The following SERBP1 variants were observed in gnomAD, a reference collection of about 807,000 sequenced individuals.
SERBP1 encodes SERPINE1 mRNA binding protein 1.
Under a neutral mutation model 50.2 loss-of-function variants are expected in SERBP1, and 6 were observed. The ratio of observed to expected loss-of-function variants is 0.12; its 90% CI spans 0.07 to 0.24. SERBP1 has a LOEUF of 0.24. Ranked by LOEUF, SERBP1 falls within the 10% of genes least tolerant of loss-of-function variation. The pLI, the probability that SERBP1 is intolerant of heterozygous loss-of-function variation, is 1.00. For missense variants in SERBP1, 346 were observed against 524.9 expected, an observed-to-expected ratio of 0.66 and a Z score of 3.33; for synonymous variants, 168 against 182.8, an observed-to-expected ratio of 0.92 and a Z score of 0.65.
Position 67,424,773 on chromosome 1 carries a change from T to C in SERBP1, c.695+115A>G, listed in dbSNP as rs1466751106. 1.1e-5 allele frequency: 9 copies of C among 786,282 alleles called. No homozygotes were observed. In the East Asian group the frequency reaches 1.3e-4, roughly 11 times the overall value. The allele number at this position is 786,282 out of a possible 1,614,324, so 48.7% of individuals were successfully genotyped here. A position where few individuals can be genotyped will look rare whatever the true frequency, so the allele number is the denominator to read the frequency against. On this transcript the variant is annotated intron_variant, in intron 4 of 7. Coordinates refer to ENST00000361219, the MANE Select transcript of SERBP1 (RefSeq NM_001018069.2). ...TCCCATAAGACATTATCTTGTAATA[T>C]AGTAACTCTCAGAAGAGAGCATTCA...
chr1:67,408,701 A>C lies in SERBP1; in HGVS notation c.*4506T>G, dbSNP rs1666716128. On this transcript the variant is annotated 3_prime_UTR_variant, in exon 8 of 8. Transcript: ENST00000361219. ...AAAACCTCTTTGCACAACGCAAAGG[A>C]CTTACACAAAGGGATCTGAGTCACT... 6.6e-6 allele frequency: 1 copy of C among 152,144 alleles called. No homozygotes were observed. Among genetic ancestry groups the C allele is most frequent in the African/African-American group, 2.4e-5 (1 of 41,448 alleles). The allele number at this position is 152,144 out of a possible 1,614,324, so 9.4% of individuals were successfully genotyped here. A position where few individuals can be genotyped will look rare whatever the true frequency, so the allele number is the denominator to read the frequency against.
intron 7 of SERBP1, among the ~76,000 whole-genome samples, 184 bp from the exon 8 acceptor site, chr1:67,413,447 G>C (rs1211165982): frequency 6.6e-6 from 1 of 152,048 alleles, no homozygotes; most frequent in Non-Finnish European, 1.5e-5. Flanking sequence ...TCAGGAGTTT[G>C]AGACCAGCCT....
rs890170254 is a variant in SERBP1 at position 67,408,748 on chromosome 1, G to A, written c.*4459C>T. On this transcript the variant is annotated 3_prime_UTR_variant, in exon 8 of 8. Coordinates refer to ENST00000361219, the MANE Select transcript of SERBP1 (RefSeq NM_001018069.2). ...CACTAAATGTGAAATACTAATCATG[G>A]TATTTTTTAACAGATTATACACCCC... is the stretch of plus-strand genomic sequence containing the variant. The A allele has an allele frequency of 6.6e-6, 1 of 151,940 alleles. No individual in the cohort carries two copies. Among genetic ancestry groups the A allele is most frequent in the African/African-American group, 2.4e-5 (1 of 41,342 alleles). 9.4% of individuals were successfully genotyped at this position (151,940 alleles called of 1,614,324 possible).
chr1:67,408,591 C>T lies in SERBP1; in HGVS notation c.*4616G>A, dbSNP rs997772461. 3 of 144,972 alleles carry T rather than the reference C, an allele frequency of 2.1e-5. No homozygotes were observed. Among genetic ancestry groups the T allele is most frequent in the Non-Finnish European group, 4.5e-5 (3 of 66,290 alleles). 9.0% of individuals were successfully genotyped at this position (144,972 alleles called of 1,614,324 possible). Reference sequence around the variant, plus strand: ...GCTCAAAAAAAAAAAAAAAAAGATGCAATCTCCAGGAGCCATTAATTTCTG... The same window carrying T: ...GCTCAAAAAAAAAAAAAAAAAGATGTAATCTCCAGGAGCCATTAATTTCTG... On this transcript the variant is annotated 3_prime_UTR_variant, in exon 8 of 8. Transcript: ENST00000361219.
chr1:67,415,561 C>T (rs1299902196), intron 6 of SERBP1, among the ~76,000 whole-genome samples: 1 of 152,108 alleles, frequency 6.6e-6, no homozygotes, highest in African/African-American at 2.4e-5. Context: ...CAGGTAATAC[C>T]AGCAGTCCTC....
At chr1:67,428,493 T>G (rs1283831718) in intron 1 of SERBP1, among the ~76,000 whole-genome samples, 1 of 152,300 alleles carries the variant, frequency 6.6e-6, no homozygotes, top group East Asian at 1.9e-4. Flanking sequence ...AGCTTAAGCA[T>G]AGTTTAAATA....
At chr1:67,419,130 T>C (rs549322134) in intron 6 of SERBP1, among the ~76,000 whole-genome samples, 1 of 152,350 alleles carries the variant, frequency 6.6e-6, no homozygotes, top group Admixed American at 6.5e-5. Context: ...TCTGCCTCTG[T>C]CAGTCTTGAG....
intron 7 of SERBP1, 48 bp from the exon 8 acceptor site, chr1:67,413,311 T>C: frequency 6.8e-7 from 1 of 1,477,586 alleles, no homozygotes; most frequent in South Asian, 1.3e-5. Flanking sequence ...TTCTTCAAAA[T>C]TACATTGTTA....
In SERBP1 at chr1:67,409,210, A is replaced by C. The variant is rs1666736385; in HGVS notation, c.*3997T>G. 1 of 152,030 alleles carries C rather than the reference A, an allele frequency of 6.6e-6. No homozygotes were observed. Among genetic ancestry groups the C allele is most frequent in the Admixed American group, 6.5e-5 (1 of 15,272 alleles). 9.4% of individuals were successfully genotyped at this position (152,030 alleles called of 1,614,324 possible). A position where few individuals can be genotyped will look rare whatever the true frequency, so the allele number is the denominator to read the frequency against. On this transcript the variant is annotated 3_prime_UTR_variant, in exon 8 of 8. Coordinates refer to ENST00000361219, the MANE Select transcript of SERBP1 (RefSeq NM_001018069.2). ...GCCACTGCACTCCAGCCTGGGTGAC[A>C]GAGCCAGACTGTTTCAAAGAAACAA...
intron 1 of SERBP1, among the ~76,000 whole-genome samples, chr1:67,428,983 C>CT (rs1209033867): frequency 5.3e-5 from 8 of 152,076 alleles, no homozygotes; most frequent in Admixed American, 4.6e-4. Context: ...ACTGCTTGCT[C>CT]TTTTTTTTCA....
At position 67,412,884 on chromosome 1, in the gene SERBP1, C is replaced by T. The variant is rs992337482; in HGVS notation, c.*323G>A. 9.0e-6 allele frequency: 3 copies of T among 332,206 alleles called. No homozygotes were observed. The highest frequency in any genetic ancestry group is 4.5e-5 in the African/African-American group (2 of 44,884). The allele number at this position is 332,206 out of a possible 1,614,324, so 20.6% of individuals were successfully genotyped here. A position where few individuals can be genotyped will look rare whatever the true frequency, so the allele number is the denominator to read the frequency against. On this transcript the variant is annotated 3_prime_UTR_variant, in exon 8 of 8. Transcript: ENST00000361219. Reference sequence around the variant, plus strand: ...AAGCTTTAAACTGGTACACACTGTTCACACCTATATTTCAAGTTTGGAAAT... The same window carrying T: ...AAGCTTTAAACTGGTACACACTGTTTACACCTATATTTCAAGTTTGGAAAT...
chr1:67,419,668 A>C (rs1667142583), intron 6 of SERBP1: 1 of 269,044 alleles, frequency 3.7e-6, no homozygotes, highest in African/African-American at 2.3e-5. Context: ...ACAGCCCTTT[A>C]ATGATCCCCA....
Position 67,424,263 on chromosome 1 carries a change from G to A in SERBP1, c.710C>T (p.Ser237Leu), listed in dbSNP as rs1481670235. The change falls in exon 5 of 8, where the codon TCA (serine) becomes TTA (leucine). Residue 237 changes from serine (S) to leucine (L), a missense_variant. By Grantham distance (145) the Ser-to-Leu change is moderately radical. Around this residue, in one of 5 missense-constraint regions of SERBP1, gnomAD observed 257 missense variants for 331.2 expected, o/e 0.78. Transcript: ENST00000361219. ...VKDELTDLDQSNVTEETPEGE... is the reference protein window; with the variant it reads ...VKDELTDLDQLNVTEETPEGE... ...TTCAGGTGTTTCCTCAGTCACATTT[G>A]ATTGATCCAAGTCACTGTAATTATA... is the stretch of plus-strand genomic sequence containing the variant. 1.9e-6 allele frequency: 3 copies of A among 1,611,898 alleles called. No individual in the cohort carries two copies. The East Asian group carries it at 6.7e-5, about 36-fold the overall frequency.
At chr1:67,413,978 C>T (rs1202126908) in intron 7 of SERBP1, among the ~76,000 whole-genome samples, 3 of 152,076 alleles carry the variant, frequency 2.0e-5, no homozygotes, top group African/African-American at 7.2e-5. Context: ...GCTAATGAGA[C>T]AGGGTTTCAC....
At chr1:67,424,717 C>T (rs925428907) in intron 4 of SERBP1, among the ~76,000 whole-genome samples, 171 bp downstream of exon 4, 3 of 151,938 alleles carry the variant, frequency 2.0e-5, no homozygotes, top group South Asian at 2.1e-4. Flanking sequence ...ATTAAAAAAC[C>T]GGTCATTCAA....
intron 4 of SERBP1, 23 bp downstream of exon 4, chr1:67,424,862 ATTT>A: frequency 1.9e-6 from 3 of 1,585,246 alleles, no homozygotes; most frequent in South Asian, 1.1e-5. Flanking sequence ...TAGGTATAGA[ATTT>A]TTAAGAAAAT....
chr1:67,415,878 C>T (rs1468699524), intron 6 of SERBP1, among the ~76,000 whole-genome samples: 1 of 152,128 alleles, frequency 6.6e-6, no homozygotes, highest in African/African-American at 2.4e-5. Context: ...TCTGTTAATA[C>T]ACAACCACTA....
chr1:67,415,385 C>A (rs1008784242), intron 6 of SERBP1, 46 bp from the exon 7 acceptor site: 4 of 1,466,108 alleles, frequency 2.7e-6, no homozygotes, highest in Non-Finnish European at 2.7e-6. Flanking sequence ...AGAAAAGTAA[C>A]ATTGCAAAAT....
At chr1:67,414,217 C>T (rs1274996523) in intron 7 of SERBP1, among the ~76,000 whole-genome samples, 1 of 152,190 alleles carries the variant, frequency 6.6e-6, no homozygotes, top group Admixed American at 6.5e-5. Context: ...AATGTGAAAG[C>T]ATGCTAAGGA....
Sources: gnomAD v4.1 joint callset for allele counts (sites outside exome capture counted in the v4.1 genomes callset) on GRCh38, gnomAD v4.1.1 for gene constraint, gnomAD v4.1.1 regional missense constraint, MANE v1.5 for transcripts, NCBI Gene and HGNC (gene_info 2026-07-23, HGNC 2026-07-21) for gene names.